Variants in PHLDB2 observed in about 807,000 individuals in gnomAD.
PHLDB2 encodes pleckstrin homology like domain family B member 2.
PHLDB2 carries 71 observed loss-of-function variants against 123.6 expected under a neutral mutation model. The observed-to-expected ratio is 0.57, with a 90% CI of 0.47 to 0.70. PHLDB2 has a LOEUF of 0.70. PHLDB2 is among the 30% of genes least tolerant of loss of function. The pLI is 0.00. For missense variants in PHLDB2, 1,446 were observed against 1,519.5 expected (o/e 0.95, Z 0.80); for synonymous variants, 547 against 541.6 (o/e 1.01, Z -0.14).
intron 7 of PHLDB2, 81 bp downstream of exon 7, chr3:111,939,711 A>T: frequency 1.5e-6 from 2 of 1,374,820 alleles, no homozygotes; most frequent in Non-Finnish European, 2.0e-6. Context: ...GTCTGTCTGA[A>T]TATCACATTT....
In PHLDB2 at chr3:111,766,288, A is replaced by AC. The variant is rs938545270; in HGVS notation, c.-49+33585_-49+33586insC. ...AAACTCCGTCTCTACAACAACAACA[A>AC]AAAAATTAGCCGGGCATGGTGGTAT... On this transcript the variant is annotated intron_variant, in intron 1 of 17. Coordinates refer to the PHLDB2 transcript ENST00000393923. 5.4e-4 allele frequency among the ~76,000 whole-genome samples: 82 copies of AC among 151,280 alleles called. 1 individual carries two copies. The Middle Eastern group carries it at 0.01, about 19-fold the overall frequency.
Position 111,757,347 on chromosome 3 carries a change from T to C in PHLDB2, c.-49+24644T>C, listed in dbSNP as rs9825342. On this transcript the variant is annotated intron_variant, in intron 1 of 17. Coordinates refer to the PHLDB2 transcript ENST00000393923. The stretch of plus-strand genomic sequence containing the variant: ...ATATTTCTGGGAGGCTTTGTTCGTT[T>C]CTTTTTATTCTTTTTTCTCTAAACT... Among the ~76,000 whole-genome samples the C allele has an allele frequency of 3.0e-3, 454 of 152,314 alleles. 2 individuals are homozygous for C. The highest frequency in any genetic ancestry group is 0.01 in the African/African-American group (430 of 41,582).
intron 1 of PHLDB2, among the ~76,000 whole-genome samples, chr3:111,838,964 A>G (rs1365296018): frequency 1.3e-5 from 2 of 152,178 alleles, no homozygotes; most frequent in Admixed American, 1.3e-4. Context: ...ACATATTTCT[A>G]TTTTTATAGT....
chr3:111,974,865 T>C lies in PHLDB2; in HGVS notation c.*302T>C. ...GTTTTTAATCAGTTGTCGGATTTGG[T>C]GAAATAAACTAAACAGGTTACAGAA... On this transcript the variant is annotated 3_prime_UTR_variant, in exon 18 of 18. Transcript: ENST00000431670. 1 of 195,572 alleles carries C rather than the reference T, an allele frequency of 5.1e-6. No homozygotes were observed. Among genetic ancestry groups the C allele is most frequent in the Non-Finnish European group, 1.0e-5 (1 of 97,150 alleles). The allele number at this position is 195,572 out of a possible 1,614,324, so 12.1% of individuals were successfully genotyped here. A position where few individuals can be genotyped will look rare whatever the true frequency, so the allele number is the denominator to read the frequency against.
At chr3:111,935,093 A>ATTTTT (rs34291565) in intron 6 of PHLDB2, among the ~76,000 whole-genome samples, 11 of 75,200 alleles carry the variant, frequency 1.5e-4, no homozygotes, top group Non-Finnish European at 2.0e-4. Flanking sequence ...TGGTATCTTG[A>ATTTTT]TTTTTTTTTT....
chr3:111,920,468 T>C (rs757774363), intron 5 of PHLDB2, 49 bp downstream of exon 5: 9 of 1,584,470 alleles, frequency 5.7e-6, no homozygotes, highest in Middle Eastern at 1.9e-4. Flanking sequence ...AAAGTGGTGG[T>C]CCCAGTTGAT....
Position 111,846,030 on chromosome 3 carries a change from C to CCCAG in PHLDB2, c.67+96_67+99dup, listed in dbSNP as rs549952387. On this transcript the variant is annotated intron_variant, in intron 2 of 17. Coordinates refer to the PHLDB2 transcript ENST00000393923. ...ATGAGCTGGCATTTTCAAGCATATACCCAGGAGTCCAGCAATCATTGGGGA... is the reference window on the plus strand; with the variant it reads ...ATGAGCTGGCATTTTCAAGCATATACCCAGCCAGGAGTCCAGCAATCATTGGGGA... 237 of 1,249,852 alleles carry CCCAG rather than the reference C, an allele frequency of 1.9e-4. 3 individuals are homozygous for CCCAG. The South Asian group carries it at 3.1e-3, about 16-fold the overall frequency. The allele number at this position is 1,249,852 out of a possible 1,614,324, so 77.4% of individuals were successfully genotyped here. A position where few individuals can be genotyped will look rare whatever the true frequency, so the allele number is the denominator to read the frequency against.
At chr3:111,768,611 C>T (rs1006685678) in intron 1 of PHLDB2, among the ~76,000 whole-genome samples, 4 of 152,140 alleles carry the variant, frequency 2.6e-5, no homozygotes, top group Admixed American at 6.5e-5. Flanking sequence ...ATCAGCCAGC[C>T]AGTCCGTCCC....
At chr3:111,791,275 C>G (rs930762341) in intron 1 of PHLDB2, among the ~76,000 whole-genome samples, 1 of 152,170 alleles carries the variant, frequency 6.6e-6, no homozygotes, top group Non-Finnish European at 1.5e-5. Flanking sequence ...CTTTCCTATA[C>G]AGGACCCCTG....
chr3:111,949,993 G>A, intron 10 of PHLDB2: 9 of 784,278 alleles, frequency 1.1e-5, no homozygotes, highest in Non-Finnish European at 1.4e-5. Flanking sequence ...TTTTAAAAAG[G>A]CAAGTTGCAT....
At chr3:111,815,097 C>T (rs907246244) in intron 1 of PHLDB2, among the ~76,000 whole-genome samples, 4 of 152,126 alleles carry the variant, frequency 2.6e-5, no homozygotes, top group African/African-American at 7.2e-5. Context: ...TAAGATATGA[C>T]GTGCTCCTCC....
chr3:111,911,433 C>T (rs956071122), intron 2 of PHLDB2, among the ~76,000 whole-genome samples: 8 of 152,172 alleles, frequency 5.3e-5, no homozygotes, highest in Non-Finnish European at 1.0e-4. Flanking sequence ...CTTACATATG[C>T]TCTTGGAGGT....
chr3:111,907,688 G>T (rs2067631187), intron 2 of PHLDB2, among the ~76,000 whole-genome samples: 1 of 152,064 alleles, frequency 6.6e-6, no homozygotes, highest in Non-Finnish European at 1.5e-5. Flanking sequence ...TAGATACAGG[G>T]TTTAACCATA....
At chr3:111,911,790 G>GTTGGGGGATTAC in intron 2 of PHLDB2, 1 of 1,344,824 alleles carries the variant, frequency 7.4e-7, no homozygotes, top group Non-Finnish European at 1.0e-6. Context: ...TGTTTTTTTT[G>GTTGGGGGATTAC]TTGGGGGATT....
intron 1 of PHLDB2, among the ~76,000 whole-genome samples, chr3:111,734,978 G>C (rs1941638422): frequency 6.6e-6 from 1 of 152,178 alleles, no homozygotes. Flanking sequence ...TTTTAGTCAT[G>C]GCAGTCACTG....
At chr3:111,849,103 C>A (rs574307976) in intron 2 of PHLDB2, among the ~76,000 whole-genome samples, 1 of 152,178 alleles carries the variant, frequency 6.6e-6, no homozygotes. Flanking sequence ...ATAAAGCTAA[C>A]TTTAATATTA....
intron 11 of PHLDB2, 50 bp from the exon 12 acceptor site, chr3:111,953,880 G>A: frequency 7.0e-7 from 1 of 1,436,110 alleles, no homozygotes; most frequent in Non-Finnish European, 9.8e-7. Context: ...TTTCCTAAAG[G>A]TCCATTCAGC....
intron 5 of PHLDB2, among the ~76,000 whole-genome samples, chr3:111,921,509 A>G (rs1343678433): frequency 1.3e-5 from 2 of 152,188 alleles, no homozygotes; most frequent in African/African-American, 4.8e-5. Flanking sequence ...GTCAAATTAA[A>G]TGCTACACAT....
At chr3:111,736,016 T>A (rs1941676448) in intron 1 of PHLDB2, among the ~76,000 whole-genome samples, 1 of 152,100 alleles carries the variant, frequency 6.6e-6, no homozygotes, top group Admixed American at 6.6e-5. Context: ...ATCCTTAGAG[T>A]ATATATTTAT....
Sources: gnomAD v4.1 joint callset for allele counts (sites outside exome capture counted in the v4.1 genomes callset) on GRCh38, gnomAD v4.1.1 for gene constraint, MANE v1.5 for transcripts, NCBI Gene and HGNC (gene_info 2026-07-23, HGNC 2026-07-21) for gene names.